The following SGCD variants were observed in gnomAD, a reference collection of about 807,000 sequenced individuals.
SGCD encodes the protein sarcoglycan delta, also known as delta-sarcoglycan.
Under a neutral mutation model 36.6 loss-of-function variants are expected in SGCD, and 18 were observed. That is an observed-to-expected ratio of 0.49 (90% CI 0.34 to 0.73). The LOEUF (loss-of-function observed/expected upper bound fraction) is 0.73, where lower values mean the gene tolerates loss of function less well. Ranked by LOEUF, SGCD falls within the 30% of genes least tolerant of loss-of-function variation. The pLI, the probability that SGCD is intolerant of heterozygous loss-of-function variation, is 0.01. For synonymous variants in SGCD, 133 were observed against 130.6 expected (o/e 1.02, Z -0.12); for missense variants, 387 against 346.7 (o/e 1.12, Z -0.92).
intron 1 of SGCD, among the ~76,000 whole-genome samples, chr5:155,876,731 A>G (rs1755775849): frequency 6.6e-6 from 1 of 152,102 alleles, no homozygotes; most frequent in South Asian, 2.1e-4. Flanking sequence ...TTAAAATGGC[A>G]TTTCGTTACT....
intron 1 of SGCD, among the ~76,000 whole-genome samples, chr5:156,102,720 A>C (rs1408371893): frequency 6.6e-6 from 1 of 152,144 alleles, no homozygotes; most frequent in African/African-American, 2.4e-5. Flanking sequence ...CATTTGTTCT[A>C]TCTCTCTTTC....
intron 1 of SGCD, among the ~76,000 whole-genome samples, chr5:156,047,242 A>C (rs1282293701): frequency 6.6e-6 from 1 of 152,194 alleles, no homozygotes; most frequent in Non-Finnish European, 1.5e-5. Flanking sequence ...AGAGTGAAGC[A>C]GCAAGTGTTG....
At chr5:155,865,760 A>G (rs1755511164), upstream of SGCD, among the ~76,000 whole-genome samples, 1 of 152,158 alleles carries the variant, frequency 6.6e-6, no homozygotes, top group South Asian at 2.1e-4. Flanking sequence ...CACTAATCTC[A>G]TCAGAAAAGC....
intron 3 of SGCD, among the ~76,000 whole-genome samples, chr5:156,253,474 T>A (rs571695461): frequency 1.3e-5 from 2 of 152,190 alleles, no homozygotes; most frequent in Admixed American, 1.3e-4. Context: ...AATTCAAGAC[T>A]AAGAATTATT....
intron 4 of SGCD, among the ~76,000 whole-genome samples, chr5:156,525,571 T>C (rs1482690856): frequency 6.6e-6 from 1 of 152,036 alleles, no homozygotes; most frequent in African/African-American, 2.4e-5. Context: ...GGAAAAGTTT[T>C]AGTTTCATGT....
intron 1 of SGCD, among the ~76,000 whole-genome samples, chr5:155,924,914 G>T (rs1756964981): frequency 6.6e-6 from 1 of 152,140 alleles, no homozygotes; most frequent in Non-Finnish European, 1.5e-5. Context: ...TCTCTGAAAA[G>T]ATTTGAGGAC....
intron 3 of SGCD, among the ~76,000 whole-genome samples, chr5:156,217,950 A>T (rs1764615193): frequency 1.3e-5 from 2 of 152,284 alleles, no homozygotes; most frequent in South Asian, 4.1e-4. Flanking sequence ...AATCTCTAAT[A>T]TAATTTTAAT....
chr5:155,911,259 A>T lies in SGCD; in HGVS notation c.-282+40835A>T, dbSNP rs1755243714. Among the ~76,000 whole-genome samples the T allele has an allele frequency of 2.0e-5, 3 of 151,682 alleles. No homozygotes were observed. The South Asian group carries it at 6.2e-4, about 32-fold the overall frequency. ...TTTCTACACTTTATTGCTAAAATTTATATAAGATTATCTAACTTATATGAG... is the reference window on the plus strand; with the variant it reads ...TTTCTACACTTTATTGCTAAAATTTTTATAAGATTATCTAACTTATATGAG... On this transcript the variant is annotated intron_variant, in intron 1 of 9. Coordinates refer to the SGCD transcript ENST00000517913.
At chr5:155,749,300 C>T in the SGCD span, among the ~76,000 whole-genome samples, 8 of 152,188 alleles carry the variant, frequency 5.3e-5, no homozygotes, top group African/African-American at 1.9e-4. Context: ...ACACATGCTA[C>T]TCCCTCTACT....
At chr5:156,374,424 A>C (rs1580891741) in intron 3 of SGCD, among the ~76,000 whole-genome samples, 2 of 152,310 alleles carry the variant, frequency 1.3e-5, no homozygotes, top group South Asian at 2.1e-4. Flanking sequence ...ACATGGGAGC[A>C]AAACATTAAT....
chr5:156,272,352 T>C (rs1766203883), intron 3 of SGCD, among the ~76,000 whole-genome samples: 1 of 152,208 alleles, frequency 6.6e-6, no homozygotes. Context: ...AGACATTACG[T>C]CATTCCTTTC....
At chr5:155,998,480 C>T (rs1758599871) in intron 1 of SGCD, among the ~76,000 whole-genome samples, 1 of 152,052 alleles carries the variant, frequency 6.6e-6, no homozygotes, top group Non-Finnish European at 1.5e-5. Context: ...TCCCTTCTTC[C>T]TGGGTTCCTC....
At chr5:155,867,750 C>T (rs982986051), upstream of SGCD, among the ~76,000 whole-genome samples, 5 of 152,138 alleles carry the variant, frequency 3.3e-5, no homozygotes, top group African/African-American at 9.7e-5. Flanking sequence ...ATGGCTAACA[C>T]TTAGTGAGAT....
intron 3 of SGCD, among the ~76,000 whole-genome samples, chr5:156,228,699 C>T (rs568399020): frequency 4.6e-5 from 7 of 150,736 alleles, no homozygotes; most frequent in Admixed American, 1.3e-4. Flanking sequence ...GCCTGTATAC[C>T]GTGGTTTTTT....
At chr5:155,971,575 G>A (rs1195921325) in intron 1 of SGCD, among the ~76,000 whole-genome samples, 1 of 152,062 alleles carries the variant, frequency 6.6e-6, no homozygotes, top group African/African-American at 2.4e-5. Context: ...GACAATTGAT[G>A]TATGATTTGT....
intron 3 of SGCD, among the ~76,000 whole-genome samples, chr5:156,352,085 T>A (rs1220959564): frequency 6.6e-6 from 1 of 152,210 alleles, no homozygotes; most frequent in Non-Finnish European, 1.5e-5. Flanking sequence ...GAGCTGTTAC[T>A]TTTGCTAGTG....
At chr5:156,395,065 G>A (rs1469797989) in intron 3 of SGCD, among the ~76,000 whole-genome samples, 3 of 152,220 alleles carry the variant, frequency 2.0e-5, no homozygotes, top group Non-Finnish European at 4.4e-5. Flanking sequence ...TGCAAGGTAA[G>A]TGTGTGTGCA....
intron 7 of SGCD, among the ~76,000 whole-genome samples, chr5:156,739,092 C>T (rs1281796289): frequency 1.3e-5 from 2 of 152,040 alleles, no homozygotes; most frequent in African/African-American, 4.8e-5. Context: ...TAAAAGGTAA[C>T]ATAACAAAAT....
the SGCD span, among the ~76,000 whole-genome samples, chr5:155,818,979 CATGAGAAAGAGTAACAT>C: frequency 3.6e-4 from 55 of 151,928 alleles, no homozygotes; most frequent in Non-Finnish European, 6.9e-4. Context: ...TGTTTGTGTC[CATGAGAAAGAGTAACAT>C]ATGAGAAAGA....
Sources: allele counts gnomAD v4.1 joint callset (sites outside exome capture counted in the v4.1 genomes callset), GRCh38; gene constraint gnomAD v4.1.1; transcripts MANE v1.5; gene names NCBI Gene and HGNC (gene_info 2026-07-23, HGNC 2026-07-21).